Variants in PRKCH observed in about 807,000 individuals in gnomAD.
The protein encoded by PRKCH is protein kinase C eta.
A neutral mutation model predicts 82.5 loss-of-function variants in PRKCH; 28 were observed. That is an observed-to-expected ratio of 0.34 (90% confidence interval 0.25 to 0.47). The LOEUF (loss-of-function observed/expected upper bound fraction) is 0.47. Ranked by LOEUF, PRKCH falls within the 20% of genes least tolerant of loss-of-function variation. The pLI is 1.00. For missense variants in PRKCH, 705 were observed against 881.8 expected (o/e 0.80, Z 2.54); for synonymous variants, 322 against 327.4 (o/e 0.98, Z 0.18).
intron 5 of PRKCH, among the ~76,000 whole-genome samples, 165 bp from the exon 6 acceptor site, chr14:61,450,677 G>C (rs968873560): frequency 1.3e-5 from 2 of 152,150 alleles, no homozygotes; most frequent in African/African-American, 4.8e-5. Context: ...TGTTTAGTCT[G>C]GTTCGTAAGA....
At chr14:61,533,408 T>TA (rs1184115700) in intron 12 of PRKCH, among the ~76,000 whole-genome samples, 1 of 151,806 alleles carries the variant, frequency 6.6e-6, no homozygotes, top group Non-Finnish European at 1.5e-5. Context: ...AACATTCAGC[T>TA]AGTCTTTGCA....
At chr14:61,372,550 A>G (rs2046375987) in intron 1 of PRKCH, among the ~76,000 whole-genome samples, 1 of 152,036 alleles carries the variant, frequency 6.6e-6, no homozygotes, top group Admixed American at 6.5e-5. Context: ...AGAATTGTTA[A>G]CTTGTATCCC....
chr14:61,280,893 G>T lies in PRKCH; in HGVS notation c.-19+93225G>T. ...ACGAGCAGGGGGGCGGCAGCGCCCG[G>T]CCCTGGCCAGCCGCGGCGCACACCG... On this transcript the variant is annotated intron_variant, in intron 1 of 3. Coordinates refer to the PRKCH transcript ENST00000555185. The surrounding 1 kb of genome is among the most constrained non-coding windows in gnomAD (Gnocchi z 5.0). The T allele has an allele frequency of 6.5e-7, 1 of 1,550,026 alleles. No homozygotes were observed.
chr14:61,373,093 G>A (rs17098285), intron 1 of PRKCH, among the ~76,000 whole-genome samples: 16,339 of 151,836 alleles, frequency 0.11, 1,600 homozygotes, highest in African/African-American at 0.24. Flanking sequence ...GGCTGTCACC[G>A]GGCTGAAGAA....
intron 9 of PRKCH, among the ~76,000 whole-genome samples, chr14:61,478,882 GT>G (rs1885844849): frequency 6.6e-6 from 1 of 152,086 alleles, no homozygotes; most frequent in Admixed American, 6.5e-5. Flanking sequence ...CAAAAATTGT[GT>G]GTATTTTAGC....
chr14:61,395,093 A>G (rs1325961141), intron 2 of PRKCH, among the ~76,000 whole-genome samples: 1 of 152,130 alleles, frequency 6.6e-6, no homozygotes, highest in Non-Finnish European at 1.5e-5. Flanking sequence ...TAATATTGAA[A>G]TCTACGGGTG....
At chr14:61,366,074 T>C (rs2046293476) in intron 1 of PRKCH, among the ~76,000 whole-genome samples, 1 of 152,098 alleles carries the variant, frequency 6.6e-6, no homozygotes, top group Admixed American at 6.5e-5. Flanking sequence ...AACATAATGA[T>C]GATGTGTTAC....
At chr14:61,196,914 C>T (rs1186507057) in intron 1 of PRKCH, among the ~76,000 whole-genome samples, 6 of 152,160 alleles carry the variant, frequency 3.9e-5, no homozygotes, top group African/African-American at 1.4e-4. Flanking sequence ...TTCACACCTG[C>T]AGGCTTATTG....
intron 1 of PRKCH, among the ~76,000 whole-genome samples, chr14:61,390,148 C>T (rs1053023186): frequency 1.3e-5 from 2 of 152,176 alleles, no homozygotes; most frequent in Admixed American, 1.3e-4. Flanking sequence ...GTGAAGTTAG[C>T]ATCCGGTAGG....
intron 1 of PRKCH, among the ~76,000 whole-genome samples, chr14:61,227,025 C>T (rs1594861546): frequency 6.6e-6 from 1 of 152,300 alleles, no homozygotes; most frequent in East Asian, 1.9e-4. Context: ...CGCCATTAAC[C>T]ACCTAAATTT....
At chr14:61,363,070 C>T (rs994574336) in intron 1 of PRKCH, among the ~76,000 whole-genome samples, 16 of 152,216 alleles carry the variant, frequency 1.1e-4, no homozygotes, top group African/African-American at 3.9e-4. Flanking sequence ...GCTAAGGGAA[C>T]AGCATGAGTG....
intron 10 of PRKCH, among the ~76,000 whole-genome samples, chr14:61,504,124 A>G (rs1031310460): frequency 6.6e-6 from 1 of 152,084 alleles, no homozygotes; most frequent in Non-Finnish European, 1.5e-5. Flanking sequence ...TTTGCCCAGA[A>G]AAGTCCCAGT....
intron 1 of PRKCH, among the ~76,000 whole-genome samples, chr14:61,234,416 G>A (rs76837369): frequency 0.015 from 2,248 of 152,058 alleles, 62 homozygotes; most frequent in African/African-American, 0.052. Flanking sequence ...TAGTCATCCC[G>A]GCATCCCTCC....
intron 12 of PRKCH, among the ~76,000 whole-genome samples, chr14:61,533,726 A>G (rs1256550604): frequency 6.6e-6 from 1 of 152,248 alleles, no homozygotes. Context: ...CGTGGTTGGC[A>G]TGAGATAACA....
rs8013909 is a variant in PRKCH, at chr14:61,531,906, C to T, written c.1761+1311C>T. The stretch of plus-strand genomic sequence containing the variant: ...AAAGTCACAGAGAAGGGCCTGTCTT[C>T]GTGGATTTGTGCCATGAAGTTTCTT... On this transcript the variant is annotated intron_variant, in intron 12 of 13. Coordinates refer to ENST00000332981, the MANE Select transcript of PRKCH (RefSeq NM_006255.5). 1.7e-3 allele frequency among the ~76,000 whole-genome samples: 258 copies of T among 152,220 alleles called. 1 individual carries two copies. Among genetic ancestry groups the T allele is most frequent in the African/African-American group, 5.9e-3 (245 of 41,526 alleles).
At chr14:61,236,107 G>T (rs1468387357) in intron 1 of PRKCH, among the ~76,000 whole-genome samples, 2 of 152,160 alleles carry the variant, frequency 1.3e-5, no homozygotes, top group Admixed American at 1.3e-4. Flanking sequence ...GGTGGCTCAC[G>T]CCTGTAACTC....
At chr14:61,333,104 T>G (rs1236038051) in intron 1 of PRKCH, among the ~76,000 whole-genome samples, 1 of 152,256 alleles carries the variant, frequency 6.6e-6, no homozygotes, top group Non-Finnish European at 1.5e-5. Flanking sequence ...CAGAATACAT[T>G]TATTTATTTG....
Position 61,247,002 on chromosome 14 carries a change from A to C in PRKCH, c.-19+59334A>C, listed in dbSNP as rs554306223. Among the ~76,000 whole-genome samples the C allele has an allele frequency of 1.8e-3, 278 of 152,284 alleles. 2 individuals are homozygous for C. Among genetic ancestry groups the C allele is most frequent in the Middle Eastern group, 3.4e-3 (1 of 294 alleles). ...AGAAACAGCTCAGGGTAACAGCTCCAGGCTTCCATGCTGAGATGCTCTCTA... is the reference window on the plus strand; with the variant it reads ...AGAAACAGCTCAGGGTAACAGCTCCCGGCTTCCATGCTGAGATGCTCTCTA... On this transcript the variant is annotated intron_variant, in intron 1 of 3. Coordinates refer to the PRKCH transcript ENST00000555185.
At chr14:61,519,033 A>T (rs1221914457) in intron 10 of PRKCH, among the ~76,000 whole-genome samples, 1 of 152,128 alleles carries the variant, frequency 6.6e-6, no homozygotes, top group Non-Finnish European at 1.5e-5. Flanking sequence ...CTGCAATCCC[A>T]GCTCTTTGGA....
Sources: allele counts gnomAD v4.1 joint callset (sites outside exome capture counted in the v4.1 genomes callset), GRCh38; gene constraint gnomAD v4.1.1; non-coding constraint Gnocchi (gnomAD v3.1); transcripts MANE v1.5; gene names NCBI Gene and HGNC (gene_info 2026-07-23, HGNC 2026-07-21).